Variants in DNAH14 observed in about 807,000 individuals in gnomAD.
The protein encoded by DNAH14 is dynein axonemal heavy chain 14.
In DNAH14, 478 loss-of-function variants were observed where a neutral mutation model predicts 520.9. That is an observed-to-expected ratio of 0.92 (90% confidence interval 0.85 to 0.99). DNAH14 has a LOEUF of 0.99. Among genes scored for constraint, DNAH14 ranks in the 50% least tolerant of loss-of-function variants. The pLI, the probability that DNAH14 is intolerant of heterozygous loss-of-function variation, is 0.00. For synonymous variants in DNAH14, 1,581 were observed against 1,757.2 expected (o/e 0.90, Z 2.51); for missense variants, 4,831 against 5,234.5 (o/e 0.92, Z 2.38).
At chr1:225,378,812 G>A (rs1005498350) in intron 79 of DNAH14, among the ~76,000 whole-genome samples, 16 of 151,108 alleles carry the variant, frequency 1.1e-4, no homozygotes, top group Non-Finnish European at 1.5e-4. Context: ...CCCGGGAGGG[G>A]GAGGTTGCAG....
chr1:224,996,632 G>A (rs1048613084), intron 8 of DNAH14, among the ~76,000 whole-genome samples: 4 of 152,114 alleles, frequency 2.6e-5, no homozygotes, highest in Non-Finnish European at 5.9e-5. Flanking sequence ...CTAGTCTCTG[G>A]TGAGACCCCG....
intron 54 of DNAH14, among the ~76,000 whole-genome samples, chr1:225,285,635 T>C (rs1486937691): frequency 6.6e-6 from 1 of 151,976 alleles, no homozygotes; most frequent in African/African-American, 2.4e-5. Context: ...CACAGGAGGA[T>C]TGCCTGAGGC....
chr1:225,356,826 ACT>A (rs2095434672), intron 73 of DNAH14, among the ~76,000 whole-genome samples: 2 of 152,186 alleles, frequency 1.3e-5, no homozygotes, highest in African/African-American at 2.4e-5. Context: ...AACAAAAATA[ACT>A]AGACTTTAAA....
intron 42 of DNAH14, among the ~76,000 whole-genome samples, chr1:225,240,329 A>G (rs1025555461): frequency 1.2e-4 from 18 of 150,544 alleles, no homozygotes; most frequent in Non-Finnish European, 2.1e-4. Flanking sequence ...ATGTTAAATA[A>G]AAACATATTA....
chr1:225,273,447 A>G (rs535534547), intron 52 of DNAH14, among the ~76,000 whole-genome samples: 1 of 152,378 alleles, frequency 6.6e-6, no homozygotes, highest in South Asian at 2.1e-4. Context: ...TCAAAACAAA[A>G]CAAAACAAAA....
chr1:225,153,722 A>C, intron 33 of DNAH14, 28 bp from the exon 34 acceptor site: 1 of 1,470,410 alleles, frequency 6.8e-7, no homozygotes, highest in Middle Eastern at 1.7e-4. Context: ...AGAAACTTTA[A>C]TAATTCAAAT....
chr1:225,195,484 A>G (rs776794367), intron 38 of DNAH14, among the ~76,000 whole-genome samples: 1 of 150,670 alleles, frequency 6.6e-6, no homozygotes, highest in African/African-American at 2.5e-5. Context: ...GATGGGAACA[A>G]TAGACACTGG....
At chr1:225,204,123 C>T in intron 38 of DNAH14, 60 bp from the exon 39 acceptor site, 1 of 840,686 alleles carries the variant, frequency 1.2e-6, no homozygotes. Flanking sequence ...ACATATAATC[C>T]ATTGTAGTTG....
intron 28 of DNAH14, 29 bp downstream of exon 28, chr1:225,141,050 C>G (rs2079407570): frequency 2.0e-6 from 3 of 1,485,834 alleles, no homozygotes; most frequent in Middle Eastern, 2.0e-4. Context: ...TAACTACATA[C>G]AATAACTTCT....
At chr1:225,164,966 T>G (rs2081906290) in intron 35 of DNAH14, among the ~76,000 whole-genome samples, 1 of 152,136 alleles carries the variant, frequency 6.6e-6, no homozygotes, top group Admixed American at 6.5e-5. Flanking sequence ...TTTATATCTA[T>G]TATAGGCTTA....
At chr1:225,287,621 G>C (rs1183991945) in intron 54 of DNAH14, among the ~76,000 whole-genome samples, 1 of 152,156 alleles carries the variant, frequency 6.6e-6, no homozygotes, top group Admixed American at 6.6e-5. Flanking sequence ...TTTATTTGCT[G>C]TGTCAGCTGG....
At chr1:225,251,519 C>T (rs2092550481) in intron 43 of DNAH14, among the ~76,000 whole-genome samples, 1 of 152,100 alleles carries the variant, frequency 6.6e-6, no homozygotes, top group South Asian at 2.1e-4. Context: ...TCCTTTGTGT[C>T]CTTCAGTTAG....
At chr1:225,222,198 C>T (rs1216055819) in intron 41 of DNAH14, among the ~76,000 whole-genome samples, 1 of 152,204 alleles carries the variant, frequency 6.6e-6, no homozygotes, top group African/African-American at 2.4e-5. Context: ...GGTAAAGAGA[C>T]TGCGCTGTCA....
intron 39 of DNAH14, 62 bp from the exon 40 acceptor site, chr1:225,205,909 A>G: frequency 7.3e-7 from 1 of 1,360,546 alleles, no homozygotes; most frequent in Admixed American, 2.2e-5. Flanking sequence ...AAAATTAGCA[A>G]GATTGTAATG....
chr1:225,138,492 G>A (rs2079155079), intron 27 of DNAH14, among the ~76,000 whole-genome samples: 1 of 152,162 alleles, frequency 6.6e-6, no homozygotes, highest in Non-Finnish European at 1.5e-5. Flanking sequence ...CCCTTCCTAT[G>A]GATATGTATG....
chr1:225,238,300 G>A (rs2091737793), intron 42 of DNAH14, among the ~76,000 whole-genome samples: 1 of 151,962 alleles, frequency 6.6e-6, no homozygotes, highest in African/African-American at 2.4e-5. Flanking sequence ...GTTTTTGTGG[G>A]GTATTTTTGT....
intron 36 of DNAH14, 134 bp from the exon 37 acceptor site, chr1:225,185,157 C>A: frequency 1.0e-6 from 1 of 962,640 alleles, no homozygotes; most frequent in Non-Finnish European, 1.5e-6. Flanking sequence ...AACATTCATG[C>A]TGAGAGCCAA....
intron 84 of DNAH14, among the ~76,000 whole-genome samples, chr1:225,392,904 A>ATGGAGG (rs2095939669): frequency 6.6e-6 from 1 of 152,140 alleles, no homozygotes; most frequent in South Asian, 2.1e-4. Flanking sequence ...AGGGGGACCC[A>ATGGAGG]TGGAGGCAGC....
chr1:224,931,178 A>G (rs1305286386), intron 1 of DNAH14, among the ~76,000 whole-genome samples: 1 of 152,200 alleles, frequency 6.6e-6, no homozygotes, highest in Non-Finnish European at 1.5e-5. Flanking sequence ...AAGTAAAATA[A>G]AATTTTAAAA....
Sources: allele counts gnomAD v4.1 joint callset (sites outside exome capture counted in the v4.1 genomes callset), GRCh38; gene constraint gnomAD v4.1.1; transcripts MANE v1.5; gene names NCBI Gene and HGNC (gene_info 2026-07-23, HGNC 2026-07-21).